The following ATP8A2 variants were observed in gnomAD, a reference collection of about 807,000 sequenced individuals.
The protein encoded by ATP8A2 is ATPase phospholipid transporting 8A2.
Under a neutral mutation model 165.6 loss-of-function variants are expected in ATP8A2, and 100 were observed. The ratio of observed to expected loss-of-function variants is 0.60; its 90% CI spans 0.51 to 0.71. The LOEUF (loss-of-function observed/expected upper bound fraction) is 0.71, where lower values mean the gene tolerates loss of function less well. ATP8A2 is among the 30% of genes least tolerant of loss of function. ATP8A2 has a pLI of 0.00. For synonymous variants in ATP8A2, 543 were observed against 548.8 expected (o/e 0.99, Z 0.15); for missense variants, 1,227 against 1,479.5 (o/e 0.83, Z 2.80).
chr13:26,000,128 G>T (rs977329729), intron 35 of ATP8A2, among the ~76,000 whole-genome samples: 6 of 152,304 alleles, frequency 3.9e-5, no homozygotes, highest in Middle Eastern at 3.4e-3. Context: ...TTAACAGCCT[G>T]GTGGATTGGT....
chr13:25,756,401 C>T (rs897700877), intron 25 of ATP8A2, among the ~76,000 whole-genome samples: 13 of 150,814 alleles, frequency 8.6e-5, no homozygotes, highest in African/African-American at 2.4e-4. Context: ...GTTGTGGCTC[C>T]TCTGCTGGAT....
chr13:25,780,756 C>T (rs1018067707), intron 27 of ATP8A2, among the ~76,000 whole-genome samples: 2 of 151,910 alleles, frequency 1.3e-5, no homozygotes, highest in African/African-American at 2.4e-5. Flanking sequence ...CCCTTGCATG[C>T]GTGTTTTACA....
At chr13:25,892,399 T>TACTTGA (rs1373671479) in intron 33 of ATP8A2, among the ~76,000 whole-genome samples, 4 of 152,036 alleles carry the variant, frequency 2.6e-5, no homozygotes, top group Non-Finnish European at 5.9e-5. Context: ...GGGTGGAATT[T>TACTTGA]ACTTGATGCC....
intron 33 of ATP8A2, among the ~76,000 whole-genome samples, chr13:25,883,373 T>C (rs983897693): frequency 4.6e-5 from 7 of 152,084 alleles, no homozygotes; most frequent in African/African-American, 1.4e-4. Flanking sequence ...GAACTGAAAT[T>C]GCACCTTGCA....
chr13:25,436,436 T>A lies in ATP8A2; in HGVS notation c.77-32541T>A, dbSNP rs2034778083. Among the ~76,000 whole-genome samples the A allele has an allele frequency of 1.3e-5, 2 of 152,232 alleles. 1 individual carries two copies. Among genetic ancestry groups the A allele is most frequent in the South Asian group, 4.1e-4 (2 of 4,834 alleles). On this transcript the variant is annotated intron_variant, in intron 1 of 36. Coordinates refer to ENST00000381655, the MANE Select transcript of ATP8A2 (RefSeq NM_016529.6). ...TACATCCATGTTGCTGCAAAGGACA[T>A]TATCTCATTCTTTTTTATGGCTATG...
intron 24 of ATP8A2, among the ~76,000 whole-genome samples, chr13:25,696,543 C>T (rs533687696): frequency 3.7e-4 from 57 of 152,348 alleles, no homozygotes; most frequent in African/African-American, 9.4e-4. Flanking sequence ...TCCTCGTCAG[C>T]GCTTACTGCC....
chr13:25,382,906 C>T (rs574853172), intron 1 of ATP8A2, among the ~76,000 whole-genome samples: 39 of 151,572 alleles, frequency 2.6e-4, no homozygotes, highest in African/African-American at 7.3e-4. Flanking sequence ...CAGGTGCCCG[C>T]CACCATGCCC....
At chr13:25,722,245 C>A (rs1240316550) in intron 25 of ATP8A2, among the ~76,000 whole-genome samples, 1 of 152,176 alleles carries the variant, frequency 6.6e-6, no homozygotes, top group Non-Finnish European at 1.5e-5. Context: ...TCCTTAGTAG[C>A]CTCCTCAGTT....
chr13:25,675,375 A>T (rs2042351094), intron 24 of ATP8A2, among the ~76,000 whole-genome samples: 1 of 152,204 alleles, frequency 6.6e-6, no homozygotes, highest in African/African-American at 2.4e-5. Context: ...TTACACATTT[A>T]CGCCGTCAAA....
intron 23 of ATP8A2, among the ~76,000 whole-genome samples, chr13:25,588,745 C>T (rs1473615103): frequency 5.3e-5 from 8 of 152,082 alleles, no homozygotes; most frequent in Non-Finnish European, 2.9e-5. Flanking sequence ...TTGAGTTGGG[C>T]GTTGGTGGAA....
intron 25 of ATP8A2, among the ~76,000 whole-genome samples, chr13:25,737,917 C>T (rs551968425): frequency 8.5e-5 from 13 of 152,302 alleles, no homozygotes; most frequent in Admixed American, 2.6e-4. Context: ...ATCTCCTGAC[C>T]TCGTGATCCG....
At chr13:25,849,104 G>A (rs1003888676) in intron 30 of ATP8A2, among the ~76,000 whole-genome samples, 1 of 152,120 alleles carries the variant, frequency 6.6e-6, no homozygotes, top group African/African-American at 2.4e-5. Context: ...GAGGAGAGAG[G>A]AAAAGCAGGA....
chr13:25,862,005 A>G (rs893682722), intron 32 of ATP8A2, among the ~76,000 whole-genome samples: 1 of 152,230 alleles, frequency 6.6e-6, no homozygotes, highest in Non-Finnish European at 1.5e-5. Context: ...AACACTTGCT[A>G]TGAACTGAGA....
intron 33 of ATP8A2, among the ~76,000 whole-genome samples, chr13:25,906,387 C>A (rs1402190260): frequency 2.0e-5 from 3 of 152,048 alleles, no homozygotes; most frequent in Non-Finnish European, 4.4e-5. Flanking sequence ...TGCTCAGAAT[C>A]TGCAGTGATG....
intron 33 of ATP8A2, among the ~76,000 whole-genome samples, chr13:25,893,357 A>G (rs1401063329): frequency 3.3e-5 from 5 of 151,574 alleles, no homozygotes; most frequent in African/African-American, 9.7e-5. Flanking sequence ...AGCTTCATCC[A>G]TGTCCCTACA....
intron 24 of ATP8A2, among the ~76,000 whole-genome samples, chr13:25,602,336 G>A (rs1398623736): frequency 2.0e-5 from 3 of 152,136 alleles, no homozygotes; most frequent in African/African-American, 4.8e-5. Flanking sequence ...AAGCTGCTGT[G>A]TTGTGTAGGT....
chr13:25,389,586 T>C (rs1019406104), intron 1 of ATP8A2, among the ~76,000 whole-genome samples: 31 of 152,242 alleles, frequency 2.0e-4, no homozygotes, highest in African/African-American at 7.5e-4. Flanking sequence ...GAGAAATGCA[T>C]TTGTGAACCT....
At chr13:25,480,574 C>T (rs1282577694) in intron 2 of ATP8A2, among the ~76,000 whole-genome samples, 7 of 150,880 alleles carry the variant, frequency 4.6e-5, no homozygotes, top group South Asian at 2.1e-4. Flanking sequence ...CGGGCAGAGA[C>T]GCTCCTCCCT....
At chr13:25,682,275 G>C (rs993165274) in intron 24 of ATP8A2, among the ~76,000 whole-genome samples, 1 of 151,986 alleles carries the variant, frequency 6.6e-6, no homozygotes, top group Non-Finnish European at 1.5e-5. Context: ...CTGTTAATCG[G>C]ATCGTGCCTC....
Sources: allele counts gnomAD v4.1 joint callset (sites outside exome capture counted in the v4.1 genomes callset), GRCh38; gene constraint gnomAD v4.1.1; transcripts MANE v1.5; gene names NCBI Gene and HGNC (gene_info 2026-07-23, HGNC 2026-07-21).